FOXO1: variants seen among roughly 807,000 people sequenced by gnomAD.
FOXO1 encodes forkhead box O1, also known as forkhead box protein O1.
FOXO1 carries 6 observed loss-of-function variants against 44.1 expected under a neutral mutation model. That is an observed-to-expected ratio of 0.14 (90% CI 0.07 to 0.27). The LOEUF is 0.27. Among genes scored for constraint, FOXO1 ranks in the 10% least tolerant of loss-of-function variants. The pLI, the probability that FOXO1 is intolerant of heterozygous loss-of-function variation, is 1.00. For missense variants in FOXO1, 737 were observed against 888.8 expected, an observed-to-expected ratio of 0.83 and a Z score of 2.17; for synonymous variants, 380 against 362.7, an observed-to-expected ratio of 1.05 and a Z score of -0.54.
At chr13:40,576,233 G>GGAGA (rs576110417) in intron 1 of FOXO1, among the ~76,000 whole-genome samples, 189 of 152,108 alleles carry the variant, frequency 1.2e-3, no homozygotes, top group African/African-American at 4.2e-3. Context: ...CAGAAAGGGA[G>GGAGA]GAGAGAGAGA....
chr13:40,560,639 A>G lies in FOXO1; in HGVS notation c.852T>C (p.Ala284=), dbSNP rs1241034800. ...KASLQSGQEG[A]GDSPGSQFSK... ...AAAACTGTGATCCAGGGCTGTCCCC[A>G]GCACCCTCCTGGCCAGACTGGAGAG... Residue 284 remains alanine (A), a synonymous_variant, in exon 2 of 3, where the codon GCT becomes GCC. Coordinates refer to ENST00000379561, the MANE Select transcript of FOXO1 (RefSeq NM_002015.4). This position sits in a 1 kb window ranked among gnomAD's most constrained non-coding sequence, Gnocchi z 5.1. The G allele has an allele frequency of 6.2e-7, 1 of 1,614,190 alleles. No homozygotes were observed. Among genetic ancestry groups the G allele is most frequent in the South Asian group, 1.1e-5 (1 of 91,076 alleles).
chr13:40,615,288 G>C (rs1308394956), intron 1 of FOXO1, among the ~76,000 whole-genome samples: 1 of 152,180 alleles, frequency 6.6e-6, no homozygotes, highest in African/African-American at 2.4e-5. Context: ...TGTAACCCTA[G>C]CACTCTGGGA....
rs775459510 is a variant in FOXO1, at chr13:40,560,508, A to T, written c.983T>A (p.Leu328His). The change falls in exon 2 of 3, where the codon CTC (leucine) becomes CAC (histidine). Residue 328 changes from leucine (L) to histidine (H), a missense_variant. Around this residue, in one of 7 missense-constraint regions of FOXO1, gnomAD observed 136 missense variants for 186.4 expected, o/e 0.73. Transcript: ENST00000379561. The surrounding 1 kb of genome is among the most constrained non-coding windows in gnomAD (Gnocchi z 5.1). ...ATCCTGTTCGGTCATAATGGGTGAG[A>T]GTCTCCCACTAATAGTACTAGCATT... is the stretch of plus-strand genomic sequence containing the variant. Reference protein sequence around the residue: ...SSNASTISGRLSPIMTEQDDL... With the variant: ...SSNASTISGRHSPIMTEQDDL... The T allele has an allele frequency of 6.2e-7, 1 of 1,614,000 alleles. No homozygotes were observed. The highest frequency in any genetic ancestry group is 1.3e-5 in the African/African-American group (1 of 74,910).
At chr13:40,580,849 A>G (rs1874928958) in intron 1 of FOXO1, among the ~76,000 whole-genome samples, 1 of 152,228 alleles carries the variant, frequency 6.6e-6, no homozygotes, top group Admixed American at 6.5e-5. Context: ...AAATAAGTTC[A>G]AGTCCCTAAC....
chr13:40,586,500 T>C (rs1875171471), intron 1 of FOXO1, among the ~76,000 whole-genome samples: 1 of 152,190 alleles, frequency 6.6e-6, no homozygotes, highest in South Asian at 2.1e-4. Context: ...CTTGTGAAGC[T>C]GTTCAGCAGC....
chr13:40,607,824 C>T (rs1193514503), intron 1 of FOXO1, among the ~76,000 whole-genome samples: 1 of 152,210 alleles, frequency 6.6e-6, no homozygotes, highest in Admixed American at 6.5e-5. Context: ...ACTAAGGAGA[C>T]GGGCTAGCCC....
intron 1 of FOXO1, among the ~76,000 whole-genome samples, chr13:40,637,088 G>T (rs917054557): frequency 6.6e-6 from 1 of 152,112 alleles, no homozygotes; most frequent in African/African-American, 2.4e-5. Flanking sequence ...AAACTTGACA[G>T]AAAGATACCC....
At chr13:40,650,846 C>A (rs1248802664) in intron 1 of FOXO1, among the ~76,000 whole-genome samples, 2 of 152,208 alleles carry the variant, frequency 1.3e-5, no homozygotes, top group Non-Finnish European at 2.9e-5. Context: ...CCTCTGCCTC[C>A]TGGATTCAAG....
At chr13:40,618,324 TAC>T (rs1277702806) in intron 1 of FOXO1, among the ~76,000 whole-genome samples, 1 of 152,168 alleles carries the variant, frequency 6.6e-6, no homozygotes, top group African/African-American at 2.4e-5. Context: ...CATCTCACCC[TAC>T]ACTCCCCTCC....
chr13:40,621,460 A>G (rs1876614992), intron 1 of FOXO1: 1 of 196,656 alleles, frequency 5.1e-6, no homozygotes, highest in Non-Finnish European at 1.0e-5. Flanking sequence ...AACAGATTAT[A>G]TATAGTTTGA....
rs973093803 is a variant in FOXO1 at position 40,556,624 on chromosome 13, T to C, written c.*2425A>G. The stretch of plus-strand genomic sequence containing the variant: ...TTGCTTTCCAGACAGACCAGATGCC[T>C]TTCCCTGGACTTCACTGTTCTCAGA... On this transcript the variant is annotated 3_prime_UTR_variant, in exon 3 of 3. Transcript: ENST00000379561. 2.6e-5 allele frequency: 4 copies of C among 152,516 alleles called. No individual in the cohort carries two copies. The highest frequency in any genetic ancestry group is 5.9e-5 in the Non-Finnish European group (4 of 68,046). 9.4% of individuals were successfully genotyped at this position (152,516 alleles called of 1,614,324 possible). A position where few individuals can be genotyped will look rare whatever the true frequency, so the allele number is the denominator to read the frequency against.
In FOXO1 at chr13:40,559,667, C is replaced by T; in HGVS notation, c.1824G>A (p.Glu608=). The stretch of plus-strand genomic sequence containing the variant: ...TGGATTCCATGTCACAGTCTAAGCG[C>T]TCAATGAACATGCCATCCAAGTCAC... The part of the protein sequence containing the change: ...LPSDLDGMFI[E]RLDCDMESII... The change falls in exon 2 of 3, where the codon GAG becomes GAA. Residue 608 remains glutamate (E), a synonymous_variant. Transcript: ENST00000379561. 1.2e-6 allele frequency: 2 copies of T among 1,614,206 alleles called. No homozygotes were observed. Among genetic ancestry groups the T allele is most frequent in the African/African-American group, 1.3e-5 (1 of 75,060 alleles).
intron 1 of FOXO1, among the ~76,000 whole-genome samples, chr13:40,614,544 T>G (rs1486930423): frequency 1.3e-5 from 2 of 152,144 alleles, no homozygotes; most frequent in African/African-American, 4.8e-5. Flanking sequence ...AATCTTCACG[T>G]AGAAGATTTT....
intron 1 of FOXO1, among the ~76,000 whole-genome samples, chr13:40,561,326 T>C (rs1370243139): frequency 1.6e-5 from 2 of 126,760 alleles, no homozygotes; most frequent in Non-Finnish European, 3.1e-5. Flanking sequence ...CACTCCAGCC[T>C]GGGAGACAGA....
chr13:40,605,618 T>C (rs1290144466), intron 1 of FOXO1, among the ~76,000 whole-genome samples: 1 of 152,178 alleles, frequency 6.6e-6, no homozygotes, highest in East Asian at 1.9e-4. Flanking sequence ...AGCCTCAGCC[T>C]GTTGAAATTC....
chr13:40,657,309 C>T (rs892738503), intron 1 of FOXO1, among the ~76,000 whole-genome samples: 112 of 144,498 alleles, frequency 7.8e-4, no homozygotes, highest in Non-Finnish European at 1.4e-3. Flanking sequence ...AATCTCCCAT[C>T]CTTTTTTTTC....
chr13:40,658,430 G>A (rs549020337), intron 1 of FOXO1, among the ~76,000 whole-genome samples: 1 of 152,312 alleles, frequency 6.6e-6, no homozygotes, highest in South Asian at 2.1e-4. Flanking sequence ...CTTGAAATGA[G>A]CCATCTGAGG....
intron 1 of FOXO1, among the ~76,000 whole-genome samples, chr13:40,584,468 G>GA (rs1875072510): frequency 2.0e-4 from 2 of 9,906 alleles, no homozygotes; most frequent in Non-Finnish European, 3.1e-4. Flanking sequence ...CACAAAAAAT[G>GA]CAAAAAAAAA....
intron 1 of FOXO1, among the ~76,000 whole-genome samples, chr13:40,590,882 C>A (rs1047732411): frequency 6.6e-6 from 1 of 152,112 alleles, no homozygotes; most frequent in Non-Finnish European, 1.5e-5. Flanking sequence ...TTTCACTTAA[C>A]GCTACACTTT....
Sources: allele counts gnomAD v4.1 joint callset (sites outside exome capture counted in the v4.1 genomes callset), GRCh38; gene constraint gnomAD v4.1.1; regional missense constraint gnomAD v4.1.1; non-coding constraint Gnocchi (gnomAD v3.1); transcripts MANE v1.5; gene names NCBI Gene and HGNC (gene_info 2026-07-23, HGNC 2026-07-21).